The following OSBPL5 variants were observed in gnomAD, a reference collection of about 807,000 sequenced individuals.
The protein encoded by OSBPL5 is oxysterol binding protein like 5, also known as oxysterol-binding protein-related protein 5.
In OSBPL5, 71 loss-of-function variants were observed where a neutral mutation model predicts 111.2. The observed-to-expected ratio is 0.64, with a 90% CI of 0.53 to 0.78. The LOEUF is 0.78. Ranked by LOEUF, OSBPL5 falls within the 30% of genes least tolerant of loss-of-function variation. The probability of loss-of-function intolerance (pLI) is 0.00; values close to 1 mark genes in which losing one functional copy is unlikely to be tolerated. For missense variants in OSBPL5, 1,210 were observed against 1,189.3 expected (o/e 1.02, Z -0.26); for synonymous variants, 549 against 513.9 (o/e 1.07, Z -0.93).
rs1255611311 is a variant in OSBPL5, at chr11:3,119,572, G to T, written c.666C>A (p.Ile222=). The part of the protein sequence containing the change: ...ITQPLPSSYL[I]FRAASESDGR... ...CATCTGACTCGGAGGCGGCCCTGAAGATCAGGTAGCTGCTGGGCAGGGGCT... is the reference window on the plus strand; with the variant it reads ...CATCTGACTCGGAGGCGGCCCTGAATATCAGGTAGCTGCTGGGCAGGGGCT... Residue 222 remains isoleucine, a synonymous_variant, in exon 7 of 22, where the codon ATC becomes ATA. Coordinates refer to ENST00000263650, the MANE Select transcript of OSBPL5 (RefSeq NM_020896.4). 6.3e-7 allele frequency: 1 copy of T among 1,579,678 alleles called. No individual in the cohort carries two copies. The highest frequency in any genetic ancestry group is 1.4e-5 in the African/African-American group (1 of 71,980).
chr11:3,090,521 A>C, intron 20 of OSBPL5, 37 bp downstream of exon 20: 1 of 1,600,820 alleles, frequency 6.2e-7, no homozygotes, highest in Non-Finnish European at 8.5e-7. Context: ...GCACCCCACC[A>C]GACAGAGGCC....
At chr11:3,114,845 C>T (rs1206896007) in intron 7 of OSBPL5, among the ~76,000 whole-genome samples, 4 of 152,008 alleles carry the variant, frequency 2.6e-5, no homozygotes, top group African/African-American at 9.7e-5. Context: ...TCGTGATCCT[C>T]CTGCCTCGGC....
Position 3,107,966 on chromosome 11 carries a change from G to C in OSBPL5, c.692-21C>G, listed in dbSNP as rs1336835395. ...GCGACCTGCGGGGCACACGGGATGAGCATGCCCCACCCCCACCTCTGTATA... is the reference window on the plus strand; with the variant it reads ...GCGACCTGCGGGGCACACGGGATGACCATGCCCCACCCCCACCTCTGTATA... On this transcript the variant is annotated intron_variant, in intron 7 of 21. Transcript: ENST00000263650. This position sits in a 1 kb window ranked among gnomAD's most constrained non-coding sequence, Gnocchi z 6.1. 2 of 1,565,090 alleles carry C rather than the reference G, an allele frequency of 1.3e-6. No individual in the cohort carries two copies. The highest frequency in any genetic ancestry group is 1.7e-6 in the Non-Finnish European group (2 of 1,167,520).
Position 3,163,715 on chromosome 11 carries a change from G to A in OSBPL5, c.-22+1501C>T, listed in dbSNP as rs1013457449. On this transcript the variant is annotated intron_variant, in intron 1 of 21. Transcript: ENST00000263650. ...CCAGGCCCAGGACTGCAGGTCAGAG[G>A]CTCCTCATCCGGCCTATCTGCTGTG... 9.9e-5 allele frequency among the ~76,000 whole-genome samples: 15 copies of A among 152,210 alleles called. 1 individual carries two copies. Among genetic ancestry groups the A allele is most frequent in the Admixed American group, 9.8e-4 (15 of 15,284 alleles).
rs759766388 is a variant in OSBPL5, at chr11:3,102,260, G to T, written c.1348C>A (p.Pro450Thr). The T allele has an allele frequency of 1.9e-6, 3 of 1,604,578 alleles. No individual in the cohort carries two copies. Among genetic ancestry groups the T allele is most frequent in the Non-Finnish European group, 2.6e-6 (3 of 1,176,078 alleles). The stretch of plus-strand genomic sequence containing the variant: ...CAGCGGAAGGTCTCCCCCAGGATGG[G>T]GTTGTACGGCTTCTTGATTCCCTGC... Reference protein sequence around the residue: ...KPKGIKKPYNPILGETFRCCW... With the variant: ...KPKGIKKPYNTILGETFRCCW... The change falls in exon 12 of 22, where the codon CCC becomes ACC. Residue 450 changes from proline to threonine, a missense_variant. Transcript: ENST00000263650.
At chr11:3,099,264 A>G (rs1301302768) in intron 14 of OSBPL5, among the ~76,000 whole-genome samples, 1 of 152,230 alleles carries the variant, frequency 6.6e-6, no homozygotes, top group Non-Finnish European at 1.5e-5. Flanking sequence ...AGGGATTTTT[A>G]GGGTAGTGCA....
chr11:3,135,225 G>C (rs61611154), intron 1 of OSBPL5, among the ~76,000 whole-genome samples: 1 of 152,224 alleles, frequency 6.6e-6, no homozygotes, highest in African/African-American at 2.4e-5. Context: ...GGGCAGGGCC[G>C]TGCTTCCGCC....
intron 1 of OSBPL5, among the ~76,000 whole-genome samples, chr11:3,131,757 TCCA>T (rs1845798374): frequency 1.3e-5 from 1 of 78,440 alleles, no homozygotes; most frequent in Admixed American, 1.2e-4. Context: ...CATCCATCCA[TCCA>T]CCATCTTCCC....
At chr11:3,138,701 C>G (rs1846021747) in intron 1 of OSBPL5, among the ~76,000 whole-genome samples, 1 of 152,232 alleles carries the variant, frequency 6.6e-6, no homozygotes, top group Non-Finnish European at 1.5e-5. Flanking sequence ...GCCCCCTTGC[C>G]TGGCCCTCCT....
Position 3,100,207 on chromosome 11 carries a change from C to A in OSBPL5, c.1572G>T (p.Leu524=). The A allele has an allele frequency of 6.2e-7, 1 of 1,614,136 alleles. No individual in the cohort carries two copies. The highest frequency in any genetic ancestry group is 8.5e-7 in the Non-Finnish European group (1 of 1,180,034). ...LLDGKATLTF[L]NRAEDYTLTM... is the part of the protein sequence containing the mutation. ...TAAGGGTGTAATCCTCGGCTCGGTT[C>A]AGGAAGGTGAGCGTGGCTTTGCCGT... The change falls in exon 14 of 22, where the codon CTG becomes CTT. Residue 524 remains leucine, a synonymous_variant. Transcript: ENST00000263650.
intron 3 of OSBPL5, among the ~76,000 whole-genome samples, chr11:3,124,510 G>A (rs1483629270): frequency 2.0e-5 from 3 of 152,096 alleles, no homozygotes; most frequent in East Asian, 3.9e-4. Flanking sequence ...AGTTACCTTG[G>A]CACATGGTGT....
intron 14 of OSBPL5, among the ~76,000 whole-genome samples, chr11:3,098,962 G>A (rs1404989492): frequency 6.6e-6 from 1 of 151,798 alleles, no homozygotes; most frequent in African/African-American, 2.4e-5. Flanking sequence ...CACCATGCCT[G>A]GCTAGTTTTT....
At chr11:3,135,887 C>G (rs757030963) in intron 1 of OSBPL5, among the ~76,000 whole-genome samples, 1 of 152,194 alleles carries the variant, frequency 6.6e-6, no homozygotes, top group African/African-American at 2.4e-5. Context: ...GGGACAGAGG[C>G]GAGGGCACAG....
rs746488974 is a variant in OSBPL5 at position 3,154,294 on chromosome 11, G to A, written c.-22+10922C>T. On this transcript the variant is annotated intron_variant, in intron 1 of 21. Coordinates refer to ENST00000263650, the MANE Select transcript of OSBPL5 (RefSeq NM_020896.4). This position sits in a 1 kb window ranked among gnomAD's most constrained non-coding sequence, Gnocchi z 4.9. ...CTGCCAGTAGGTAGCAGGATGTGTC[G>A]TAGAGGGCTTGCTGACCCCAAACAT... Among the ~76,000 whole-genome samples, 13 of 152,256 alleles carry A rather than the reference G, an allele frequency of 8.5e-5. No individual in the cohort carries two copies. Among genetic ancestry groups the A allele is most frequent in the Non-Finnish European group, 1.8e-4 (12 of 68,050 alleles).
rs9736518 is a variant in OSBPL5, at chr11:3,103,718, G to T, written c.1245-398C>A. On this transcript the variant is annotated intron_variant, in intron 10 of 21. Transcript: ENST00000263650. ...TTCCAGCCTGCGTACCCCCTTCCAG[G>T]CTCTGCTGCCCCTTCCTGCCTCTGC... Among the ~76,000 whole-genome samples, 16 of 80,062 alleles carry T rather than the reference G, an allele frequency of 2.0e-4. 2 individuals carry two copies. The East Asian group carries it at 5.2e-3, about 26-fold the overall frequency. The allele number at this position is 80,062 out of a possible 152,430, so 52.5% of individuals were successfully genotyped here. A position where few individuals can be genotyped will look rare whatever the true frequency, so the allele number is the denominator to read the frequency against.
chr11:3,133,581 T>C (rs11821454), intron 1 of OSBPL5, among the ~76,000 whole-genome samples: 6,232 of 152,308 alleles, frequency 0.041, 322 homozygotes, highest in African/African-American at 0.11. Flanking sequence ...GGCCTGTCCC[T>C]GACACCAGCA....
chr11:3,123,267 G>C (rs552350306), intron 3 of OSBPL5, among the ~76,000 whole-genome samples: 1 of 152,300 alleles, frequency 6.6e-6, no homozygotes, highest in Admixed American at 6.5e-5. Context: ...TGCAGGCTGG[G>C]GACAGCAAGC....
In OSBPL5 at chr11:3,126,579, G is replaced by A; in HGVS notation, c.137-24C>T. On this transcript the variant is annotated intron_variant, in intron 2 of 21. Transcript: ENST00000263650. This position sits in a 1 kb window ranked among gnomAD's most constrained non-coding sequence, Gnocchi z 6.5. ...CCCTGCAAGAGAGCAGTGGGAGTGA[G>A]GACCCAGGCATGGTGGCGTGGCCAG... 2 of 1,595,220 alleles carry A rather than the reference G, an allele frequency of 1.3e-6. No individual in the cohort carries two copies. Among genetic ancestry groups the A allele is most frequent in the South Asian group, 1.1e-5 (1 of 89,070 alleles).
At position 3,102,114 on chromosome 11, in the gene OSBPL5, C is replaced by A. The variant is rs1857481037; in HGVS notation, c.1425+69G>T. 12 of 1,481,988 alleles carry A rather than the reference C, an allele frequency of 8.1e-6. No homozygotes were observed. In the Admixed American group the frequency reaches 2.4e-4, roughly 29 times the overall value. The allele number at this position is 1,481,988 out of a possible 1,614,324, so 91.8% of individuals were successfully genotyped here. A position where few individuals can be genotyped will look rare whatever the true frequency, so the allele number is the denominator to read the frequency against. On this transcript the variant is annotated intron_variant, in intron 12 of 21. Coordinates refer to ENST00000263650, the MANE Select transcript of OSBPL5 (RefSeq NM_020896.4). ...CGCTTGCCCCTGCCTGCTGCCAGGGCCCCGCCCCCACAGAGCCCCGCCCCA... is the reference window on the plus strand; with the variant it reads ...CGCTTGCCCCTGCCTGCTGCCAGGGACCCGCCCCCACAGAGCCCCGCCCCA...
Sources: gnomAD v4.1 joint callset for allele counts (sites outside exome capture counted in the v4.1 genomes callset) on GRCh38, gnomAD v4.1.1 for gene constraint, Gnocchi (gnomAD v3.1) non-coding constraint, MANE v1.5 for transcripts, NCBI Gene and HGNC (gene_info 2026-07-23, HGNC 2026-07-21) for gene names.